GAS6: variants seen among roughly 807,000 people sequenced by gnomAD.
The protein encoded by GAS6 is growth arrest-specific protein 6.
A neutral mutation model predicts 75.8 loss-of-function variants in GAS6; 41 were observed. The ratio of observed to expected loss-of-function variants is 0.54; its 90% CI spans 0.42 to 0.70. The LOEUF is 0.70. GAS6 is among the 30% of genes least tolerant of loss of function. GAS6 has a pLI of 0.00. For missense variants in GAS6, 854 were observed against 940.2 expected (o/e 0.91, Z 1.20); for synonymous variants, 432 against 412.6 (o/e 1.05, Z -0.57).
At position 113,848,922 on chromosome 13, in the gene GAS6, T is replaced by C. The variant is rs1594206729; in HGVS notation, c.256-872A>G. Reference sequence around the variant, plus strand: ...CACCTGGGGGCATGAAGGTCAGGATTAGCAGGCGCTGGTAGCATTTTGCAG... The same window carrying C: ...CACCTGGGGGCATGAAGGTCAGGATCAGCAGGCGCTGGTAGCATTTTGCAG... On this transcript the variant is annotated intron_variant, in intron 2 of 14. Coordinates refer to ENST00000327773, the MANE Select transcript of GAS6 (RefSeq NM_000820.4). This position sits in a 1 kb window ranked among gnomAD's most constrained non-coding sequence, Gnocchi z 4.8. 6.6e-6 allele frequency among the ~76,000 whole-genome samples: 1 copy of C among 152,210 alleles called. No individual in the cohort carries two copies. Among genetic ancestry groups the C allele is most frequent in the Admixed American group, 6.5e-5 (1 of 15,286 alleles).
chr13:113,832,729 G>C lies in GAS6; in HGVS notation c.858C>G (p.Phe286Leu). The C allele has an allele frequency of 6.2e-7, 1 of 1,612,724 alleles. No individual in the cohort carries two copies. The highest frequency in any genetic ancestry group is 8.5e-7 in the Non-Finnish European group (1 of 1,179,950). ...TCEDILPCVP[F>L]SVAKSVKSLY... is the part of the protein sequence containing the mutation. ...AGGACTTCACACTCTTGGCCACGCTGAAGGGCACGCACGGCAAGATGTCCT... is the reference window on the plus strand; with the variant it reads ...AGGACTTCACACTCTTGGCCACGCTCAAGGGCACGCACGGCAAGATGTCCT... The change falls in exon 9 of 15, where the codon TTC becomes TTG. Residue 286 changes from phenylalanine (F) to leucine (L), a missense_variant. Coordinates refer to ENST00000327773, the MANE Select transcript of GAS6 (RefSeq NM_000820.4).
chr13:113,821,948 G>A lies in GAS6; in HGVS notation c.1882+10C>T. The A allele has an allele frequency of 6.6e-7, 1 of 1,521,990 alleles. No individual in the cohort carries two copies. The highest frequency in any genetic ancestry group is 8.8e-7 in the Non-Finnish European group (1 of 1,136,448). 94.3% of individuals were successfully genotyped at this position (1,521,990 alleles called of 1,614,324 possible). A position where few individuals can be genotyped will look rare whatever the true frequency, so the allele number is the denominator to read the frequency against. On this transcript the variant is annotated intron_variant, in intron 14 of 14. Coordinates refer to ENST00000327773, the MANE Select transcript of GAS6 (RefSeq NM_000820.4). ...CTTCACCCGGGTTGAGCGGAGCAGG[G>A]AGCACCTACCTGGCAGGCCGCCAGC...
At position 113,844,017 on chromosome 13, in the gene GAS6, A is replaced by T. The variant is rs1413171959; in HGVS notation, c.343+2510T>A. ...CCACCAAAGCACCTTCTTCACCGCC[A>T]GGCATCTTTTGAGGCACGCGAACAT... On this transcript the variant is annotated intron_variant, in intron 4 of 14. Transcript: ENST00000327773. This position sits in a 1 kb window ranked among gnomAD's most constrained non-coding sequence, Gnocchi z 5.7. 1 of 150,814 alleles carries T rather than the reference A, an allele frequency of 6.6e-6. No homozygotes were observed. The highest frequency in any genetic ancestry group is 1.9e-4 in the East Asian group (1 of 5,190). 9.3% of individuals were successfully genotyped at this position (150,814 alleles called of 1,614,324 possible). A position where few individuals can be genotyped will look rare whatever the true frequency, so the allele number is the denominator to read the frequency against.
chr13:113,854,980 G>A (rs367686480), intron 2 of GAS6, among the ~76,000 whole-genome samples: 3 of 152,362 alleles, frequency 2.0e-5, no homozygotes, highest in African/African-American at 7.2e-5. Flanking sequence ...CGGTGGCATC[G>A]CTGTCCTGGG....
intron 7 of GAS6, among the ~76,000 whole-genome samples, chr13:113,834,945 C>T (rs1346832786): frequency 6.6e-6 from 1 of 152,240 alleles, no homozygotes; most frequent in Non-Finnish European, 1.5e-5. Flanking sequence ...CCCCCGCTGC[C>T]GGGCCGGTGT....
chr13:113,846,192 G>A (rs2051832245), intron 4 of GAS6, among the ~76,000 whole-genome samples: 1 of 149,566 alleles, frequency 6.7e-6, no homozygotes, highest in Non-Finnish European at 1.5e-5. Flanking sequence ...AGAGCGGAAG[G>A]CCGCTCACAC....
At chr13:113,852,283 T>A (rs1185912244) in intron 2 of GAS6, among the ~76,000 whole-genome samples, 3 of 152,228 alleles carry the variant, frequency 2.0e-5, no homozygotes, top group African/African-American at 7.2e-5. Flanking sequence ...AGCCAAAAGA[T>A]TGGACGTCCC....
At chr13:113,825,297 C>T (rs1034508429) in intron 12 of GAS6, among the ~76,000 whole-genome samples, 10 of 150,798 alleles carry the variant, frequency 6.6e-5, no homozygotes, top group South Asian at 2.1e-4. Flanking sequence ...TGTTGGCCAT[C>T]GGGGCTTCAC....
Position 113,820,713 on chromosome 13 carries a change from G to A in GAS6, c.*151C>T, listed in dbSNP as rs903427253. On this transcript the variant is annotated 3_prime_UTR_variant, in exon 15 of 15. Coordinates refer to ENST00000327773, the MANE Select transcript of GAS6 (RefSeq NM_000820.4). The stretch of plus-strand genomic sequence containing the variant: ...GAGTGCGCGGCGTCAGAGGCCCCAA[G>A]TCCATCTCACTATTTACAGATATGT... The A allele has an allele frequency of 3.2e-6, 3 of 948,246 alleles. No individual in the cohort carries two copies. Among genetic ancestry groups the A allele is most frequent in the Admixed American group, 2.9e-5 (1 of 34,802 alleles). 58.7% of individuals were successfully genotyped at this position (948,246 alleles called of 1,614,324 possible).
In GAS6 at chr13:113,826,992, T is replaced by C; in HGVS notation, c.1477+4A>G. 1 of 1,612,374 alleles carries C rather than the reference T, an allele frequency of 6.2e-7. No individual in the cohort carries two copies. The highest frequency in any genetic ancestry group is 8.5e-7 in the Non-Finnish European group (1 of 1,179,654). Reference sequence around the variant, plus strand: ...CCACCCCAACGGTAAGAGCCAAGACTTACTGTAGTCCAGGCTGTAGAAGGC... The same window carrying C: ...CCACCCCAACGGTAAGAGCCAAGACCTACTGTAGTCCAGGCTGTAGAAGGC... On this transcript the variant is annotated splice_donor_region_variant and intron_variant, in intron 12 of 14. Transcript: ENST00000327773.
At chr13:113,824,627 C>G (rs7399657) in intron 12 of GAS6, among the ~76,000 whole-genome samples, 78,399 of 152,022 alleles carry the variant, frequency 0.52, 21,924 homozygotes, top group African/African-American at 0.74. Context: ...TGTGTGTACA[C>G]ATTTGTGACT....
At chr13:113,831,700 A>G (rs2051632253) in intron 10 of GAS6, among the ~76,000 whole-genome samples, 1 of 152,128 alleles carries the variant, frequency 6.6e-6, no homozygotes, top group African/African-American at 2.4e-5. Flanking sequence ...AGAGAGGCCT[A>G]GAGCACCACA....
intron 3 of GAS6, among the ~76,000 whole-genome samples, chr13:113,847,238 C>G (rs2051841628): frequency 6.6e-6 from 1 of 152,252 alleles, no homozygotes; most frequent in African/African-American, 2.4e-5. Flanking sequence ...TGGCCACCCC[C>G]TGCTTCAGAA....
At position 113,828,583 on chromosome 13, in the gene GAS6, T is replaced by A. The variant is rs1338615672; in HGVS notation, c.1272A>T (p.Gly424=). 1 of 1,613,436 alleles carries A rather than the reference T, an allele frequency of 6.2e-7. No individual in the cohort carries two copies. Among genetic ancestry groups the A allele is most frequent in the Non-Finnish European group, 8.5e-7 (1 of 1,179,962 alleles). Reference sequence around the variant, plus strand: ...GGTCCTTCTCATGGAAGGGAATACCTCCCACGGTCAGGTTCAGATGATACA... The same window carrying A: ...GGTCCTTCTCATGGAAGGGAATACCACCCACGGTCAGGTTCAGATGATACA... ...RGLYHLNLTV[G]GIPFHEKDLV... Residue 424 remains glycine (G), a synonymous_variant, in exon 11 of 15, where the codon GGA becomes GGT. Transcript: ENST00000327773.
In GAS6 at chr13:113,823,516, G is replaced by A; in HGVS notation, c.1512C>T (p.Thr504=). Residue 504 remains threonine, a synonymous_variant, in exon 13 of 15, where the codon ACC becomes ACT. Coordinates refer to ENST00000327773, the MANE Select transcript of GAS6 (RefSeq NM_000820.4). ...RTPLDVGTES[T]WEVEVVAHIR... is the part of the protein sequence containing the mutation. Reference sequence around the variant, plus strand: ...TGTGAGCCACGACTTCTACTTCCCAGGTTGATTCAGTCCCGACGTCCAGAG... The same window carrying A: ...TGTGAGCCACGACTTCTACTTCCCAAGTTGATTCAGTCCCGACGTCCAGAG... 3 of 1,612,652 alleles carry A rather than the reference G, an allele frequency of 1.9e-6. No homozygotes were observed. The highest frequency in any genetic ancestry group is 2.5e-6 in the Non-Finnish European group (3 of 1,179,890).
chr13:113,850,942 G>A (rs529230414), intron 2 of GAS6, among the ~76,000 whole-genome samples: 1 of 152,262 alleles, frequency 6.6e-6, no homozygotes, highest in African/African-American at 2.4e-5. Flanking sequence ...TGAGTGAGCA[G>A]ACAGATGCAT....
At chr13:113,823,612 G>A in intron 12 of GAS6, 62 bp from the exon 13 acceptor site, 1 of 1,503,096 alleles carries the variant, frequency 6.7e-7, no homozygotes, top group Non-Finnish European at 9.1e-7. Flanking sequence ...AGTGAGGTCG[G>A]AGCAGGGCCT....
Position 113,837,996 on chromosome 13 carries a change from A to AGT in GAS6, c.589+72_589+73insAC, listed in dbSNP as rs1236705334. The stretch of plus-strand genomic sequence containing the variant: ...AACCCAGCCAGCAGCAGCCGCTTGC[A>AGT]GAAGAGCAGACATGACCGAAAATAG... On this transcript the variant is annotated intron_variant, in intron 6 of 14. Transcript: ENST00000327773. The surrounding 1 kb of genome is among the most constrained non-coding windows in gnomAD (Gnocchi z 5.1). 5 of 1,571,530 alleles carry AGT rather than the reference A, an allele frequency of 3.2e-6. No homozygotes were observed. The highest frequency in any genetic ancestry group is 2.7e-5 in the African/African-American group (2 of 73,870).
Position 113,848,151 on chromosome 13 carries a change from G to T in GAS6, c.256-101C>A. 7.7e-7 allele frequency: 1 copy of T among 1,305,406 alleles called. No homozygotes were observed. Among genetic ancestry groups the T allele is most frequent in the Non-Finnish European group, 1.1e-6 (1 of 925,696 alleles). The allele number at this position is 1,305,406 out of a possible 1,614,324, so 80.9% of individuals were successfully genotyped here. A position where few individuals can be genotyped will look rare whatever the true frequency, so the allele number is the denominator to read the frequency against. On this transcript the variant is annotated intron_variant, in intron 2 of 14. Coordinates refer to ENST00000327773, the MANE Select transcript of GAS6 (RefSeq NM_000820.4). This position sits in a 1 kb window ranked among gnomAD's most constrained non-coding sequence, Gnocchi z 4.8. ...TGGTTAATCAGAGGCTGCTCTCGGG[G>T]CAGCCAGAGGGCCGCCCCACCCGGG...
Sources: gnomAD v4.1 joint callset for allele counts (sites outside exome capture counted in the v4.1 genomes callset) on GRCh38, gnomAD v4.1.1 for gene constraint, Gnocchi (gnomAD v3.1) non-coding constraint, MANE v1.5 for transcripts, NCBI Gene and HGNC (gene_info 2026-07-23, HGNC 2026-07-21) for gene names.